WDR47: variants seen among roughly 807,000 people sequenced by gnomAD.
The protein encoded by WDR47 is WD repeat domain 47, also known as WD repeat-containing protein 47.
In WDR47, 32 loss-of-function variants were observed where a neutral mutation model predicts 97.2. The observed-to-expected ratio is 0.33, with a 90% CI of 0.25 to 0.44. The LOEUF is 0.44. Among genes scored for constraint, WDR47 ranks in the 20% least tolerant of loss-of-function variants. The pLI, the probability that WDR47 is intolerant of heterozygous loss-of-function variation, is 1.00. For missense variants in WDR47, 782 were observed against 1,102.3 expected (o/e 0.71, Z 4.11); for synonymous variants, 375 against 373.5 (o/e 1.00, Z -0.05).
intron 1 of WDR47, among the ~76,000 whole-genome samples, chr1:109,035,843 C>T (rs1167781434): frequency 6.7e-6 from 1 of 149,960 alleles, no homozygotes; most frequent in Non-Finnish European, 1.5e-5. Context: ...GAGAAGGAGT[C>T]TTACTATGCT....
At chr1:109,036,502 T>C (rs1662953000) in intron 1 of WDR47, among the ~76,000 whole-genome samples, 1 of 129,840 alleles carries the variant, frequency 7.7e-6, no homozygotes, top group South Asian at 2.4e-4. Flanking sequence ...ACCACTGCAC[T>C]ACAGCCTGGG....
chr1:109,033,312 C>T (rs1331040244), intron 1 of WDR47, among the ~76,000 whole-genome samples: 1 of 151,110 alleles, frequency 6.6e-6, no homozygotes, highest in South Asian at 2.1e-4. Flanking sequence ...AAAACAAAAA[C>T]AAAAAAAAGC....
chr1:109,028,211 G>T (rs1288110169), intron 1 of WDR47, among the ~76,000 whole-genome samples: 1 of 152,018 alleles, frequency 6.6e-6, no homozygotes, highest in African/African-American at 2.4e-5. Context: ...TTTAGACAGG[G>T]TCTTACTCTG....
intron 1 of WDR47, among the ~76,000 whole-genome samples, chr1:109,030,873 T>C (rs1288988403): frequency 7.2e-6 from 1 of 138,704 alleles, no homozygotes; most frequent in Admixed American, 7.8e-5. Context: ...CCTGCAGGAA[T>C]ATATATGTGA....
intron 1 of WDR47, among the ~76,000 whole-genome samples, chr1:109,035,073 T>A (rs1662838754): frequency 6.7e-6 from 1 of 148,938 alleles, no homozygotes; most frequent in Non-Finnish European, 1.5e-5. Context: ...GGCGAAACCC[T>A]GTCTCTCCAA....
intron 7 of WDR47, among the ~76,000 whole-genome samples, chr1:109,000,559 C>T (rs1660108354): frequency 6.7e-6 from 1 of 149,038 alleles, no homozygotes; most frequent in African/African-American, 2.5e-5. Context: ...ACCTGTAATC[C>T]CAGCACTTTG....
At chr1:108,990,518 T>C (rs1055878806) in intron 9 of WDR47, among the ~76,000 whole-genome samples, 2 of 152,164 alleles carry the variant, frequency 1.3e-5, no homozygotes, top group Admixed American at 1.3e-4. Flanking sequence ...CTAATATTTT[T>C]TTTTAAATCA....
At chr1:109,025,346 A>G (rs1662132113) in intron 1 of WDR47, among the ~76,000 whole-genome samples, 1 of 150,806 alleles carries the variant, frequency 6.6e-6, no homozygotes, top group Admixed American at 6.7e-5. Context: ...TGGAAAGATC[A>G]CTGGAGCCCC....
chr1:109,029,378 G>T (rs1486516117), intron 1 of WDR47, among the ~76,000 whole-genome samples: 1 of 151,362 alleles, frequency 6.6e-6, no homozygotes, highest in East Asian at 1.9e-4. Context: ...CAAACAAATT[G>T]GCCAGGCGCA....
intron 1 of WDR47, among the ~76,000 whole-genome samples, chr1:109,040,530 A>T (rs1015211913): frequency 1.3e-5 from 2 of 151,854 alleles, no homozygotes; most frequent in Non-Finnish European, 2.9e-5. Context: ...AAAAAAAAAA[A>T]TTTACATCTT....
chr1:109,007,675 C>G (rs1352133618), intron 5 of WDR47, among the ~76,000 whole-genome samples: 1 of 152,148 alleles, frequency 6.6e-6, no homozygotes, highest in Non-Finnish European at 1.5e-5. Flanking sequence ...CTACTAGAAG[C>G]TTTATCTCAT....
chr1:108,991,200 C>G, intron 9 of WDR47, 54 bp downstream of exon 9: 1 of 1,532,912 alleles, frequency 6.5e-7, no homozygotes, highest in East Asian at 2.3e-5. Flanking sequence ...AATTTCTTAG[C>G]AAAATTTACA....
intron 9 of WDR47, 83 bp downstream of exon 9, chr1:108,991,171 G>C: frequency 2.2e-6 from 3 of 1,355,748 alleles, no homozygotes; most frequent in Non-Finnish European, 3.1e-6. Flanking sequence ...GACTAAAATG[G>C]TTCTTTCTTT....
At chr1:109,035,253 A>G (rs1662861886) in intron 1 of WDR47, among the ~76,000 whole-genome samples, 1 of 151,146 alleles carries the variant, frequency 6.6e-6, no homozygotes. Flanking sequence ...CTCAGAAAAA[A>G]AAAAAAAAAA....
At chr1:108,974,938 C>A (rs1216233200) in intron 13 of WDR47, among the ~76,000 whole-genome samples, 184 bp from the exon 14 acceptor site, 1 of 152,170 alleles carries the variant, frequency 6.6e-6, no homozygotes, top group South Asian at 2.1e-4. Flanking sequence ...AGGCCCAAGG[C>A]CTAAACAAAA....
intron 7 of WDR47, among the ~76,000 whole-genome samples, chr1:108,999,326 A>G (rs890241284): frequency 6.6e-6 from 1 of 152,030 alleles, no homozygotes; most frequent in African/African-American, 2.4e-5. Context: ...AAAATTTAGG[A>G]TGGGCCGGGC....
rs150444441 is a variant in WDR47, at chr1:108,978,272, G to C, written c.2398+3461C>G. 3.5e-3 allele frequency among the ~76,000 whole-genome samples: 529 copies of C among 151,544 alleles called. 1 individual carries two copies. The highest frequency in any genetic ancestry group is 0.012 in the African/African-American group (510 of 41,324). ...AGGCGGATCACGAGGTCAGGAGATCGAGACCATCCTGGCTAACATGGTGAA... is the reference window on the plus strand; with the variant it reads ...AGGCGGATCACGAGGTCAGGAGATCCAGACCATCCTGGCTAACATGGTGAA... On this transcript the variant is annotated intron_variant, in intron 13 of 14. Transcript: ENST00000369962.
At chr1:109,023,561 G>C in intron 1 of WDR47, 40 bp from the exon 2 acceptor site, 4 of 1,571,466 alleles carry the variant, frequency 2.5e-6, no homozygotes, top group South Asian at 2.4e-5. Context: ...TAGTCCTATT[G>C]ATTTATTTCT....
At chr1:109,028,449 C>T (rs1356991239) in intron 1 of WDR47, among the ~76,000 whole-genome samples, 1 of 138,458 alleles carries the variant, frequency 7.2e-6, no homozygotes, top group Non-Finnish European at 1.5e-5. Context: ...TGAGCTCAAG[C>T]AATCCACCCG....
Sources: gnomAD v4.1 joint callset for allele counts (sites outside exome capture counted in the v4.1 genomes callset) on GRCh38, gnomAD v4.1.1 for gene constraint, MANE v1.5 for transcripts, NCBI Gene and HGNC (gene_info 2026-07-23, HGNC 2026-07-21) for gene names.